Variants in ANP32A observed in about 807,000 individuals in gnomAD.
The protein encoded by ANP32A is acidic nuclear phosphoprotein 32 family member A, also known as acidic leucine-rich nuclear phosphoprotein 32 family member A.
Under a neutral mutation model 33.9 loss-of-function variants are expected in ANP32A, and 1 was observed. The ratio of observed to expected loss-of-function variants is 0.03; its 90% CI spans 0.01 to 0.14. The LOEUF is 0.14. ANP32A is among the 10% of genes least tolerant of loss of function. ANP32A has a pLI of 1.00. For synonymous variants in ANP32A, 115 were observed against 120.5 expected, an observed-to-expected ratio of 0.95 and a Z score of 0.30; for missense variants, 155 against 306.0, an observed-to-expected ratio of 0.51 and a Z score of 3.68.
chr15:68,814,278 G>T (rs1359442321), intron 1 of ANP32A, among the ~76,000 whole-genome samples: 2 of 152,026 alleles, frequency 1.3e-5, no homozygotes. Flanking sequence ...TGAAGAAGGG[G>T]GCCAGGCACG....
At chr15:68,814,422 A>T (rs1465210080) in intron 1 of ANP32A, among the ~76,000 whole-genome samples, 3 of 151,964 alleles carry the variant, frequency 2.0e-5, no homozygotes, top group South Asian at 2.1e-4. Context: ...AATAAATAAA[A>T]AAGGAAACAA....
At chr15:68,786,161 T>C (rs1236910534) in intron 3 of ANP32A, among the ~76,000 whole-genome samples, 5 of 151,412 alleles carry the variant, frequency 3.3e-5, no homozygotes, top group Non-Finnish European at 5.9e-5. Flanking sequence ...CAACCTCCCC[T>C]ATAAACCCAG....
Position 68,820,868 on chromosome 15 carries a change from C to G in ANP32A, c.-117G>C, listed in dbSNP as rs755899763. On this transcript the variant is annotated 5_prime_UTR_variant, in exon 1 of 7. Coordinates refer to ENST00000465139, the MANE Select transcript of ANP32A (RefSeq NM_006305.4). ...GGCTCAACCAGCTCCGCTCGGTTCT[C>G]GAGCCCCCAGCACCCGCGGCGCACA... 215 of 1,270,974 alleles carry G rather than the reference C, an allele frequency of 1.7e-4. No individual in the cohort carries two copies. The highest frequency in any genetic ancestry group is 3.3e-4 in the South Asian group (27 of 80,724). The allele number at this position is 1,270,974 out of a possible 1,614,324, so 78.7% of individuals were successfully genotyped here.
chr15:68,811,402 G>A (rs923550862), intron 1 of ANP32A, among the ~76,000 whole-genome samples: 1 of 152,184 alleles, frequency 6.6e-6, no homozygotes, highest in Admixed American at 6.5e-5. Flanking sequence ...GACAAGACAA[G>A]AAGACCACTG....
intron 1 of ANP32A, among the ~76,000 whole-genome samples, chr15:68,798,513 A>G (rs1894091006): frequency 6.6e-6 from 1 of 152,182 alleles, no homozygotes; most frequent in Non-Finnish European, 1.5e-5. Context: ...CAATTGATGA[A>G]GCTGGGTGGA....
chr15:68,820,297 C>G, intron 1 of ANP32A, among the ~76,000 whole-genome samples: 1 of 152,138 alleles, frequency 6.6e-6, no homozygotes, highest in East Asian at 1.9e-4. Flanking sequence ...CAGGAGGCAG[C>G]CCCTCTCCTC....
intron 1 of ANP32A, among the ~76,000 whole-genome samples, chr15:68,804,906 AAT>A (rs1894194727): frequency 6.6e-6 from 1 of 152,274 alleles, no homozygotes; most frequent in African/African-American, 2.4e-5. Context: ...CAGGCTAATT[AAT>A]AAAGTCTTAC....
chr15:68,799,663 G>A (rs1043276850), intron 1 of ANP32A, among the ~76,000 whole-genome samples: 5 of 152,314 alleles, frequency 3.3e-5, no homozygotes, highest in Middle Eastern at 3.4e-3. Context: ...ATAGGAACAC[G>A]TGGGATGGAC....
At position 68,805,538 on chromosome 15, in the gene ANP32A, G is replaced by C. The variant is rs138157047; in HGVS notation, c.54+15160C>G. Among the ~76,000 whole-genome samples, 381 of 152,344 alleles carry C rather than the reference G, an allele frequency of 2.5e-3. 5 individuals are homozygous for C. Among genetic ancestry groups the C allele is most frequent in the African/African-American group, 8.8e-3 (368 of 41,582 alleles). On this transcript the variant is annotated intron_variant, in intron 1 of 6. Transcript: ENST00000465139. ...AGGCAGAGGGCTGGAGCCCAAGGCT[G>C]GTGTGAGCAGAGCAGTGGCCGGCTA... is the stretch of plus-strand genomic sequence containing the variant.
rs1893858239 is a variant in ANP32A at position 68,780,843 on chromosome 15, C to A, written c.625-370G>T. ...TGAGGAGAACAAGTTCCCGAGCAGACTCCCTGACGTGCAAAGTAGGCCATC... is the reference window on the plus strand; with the variant it reads ...TGAGGAGAACAAGTTCCCGAGCAGAATCCCTGACGTGCAAAGTAGGCCATC... On this transcript the variant is annotated intron_variant, in intron 5 of 6. Transcript: ENST00000465139. This position sits in a 1 kb window ranked among gnomAD's most constrained non-coding sequence, Gnocchi z 4.3. 1 of 180,090 alleles carries A rather than the reference C, an allele frequency of 5.6e-6. No homozygotes were observed. Among genetic ancestry groups the A allele is most frequent in the African/African-American group, 2.4e-5 (1 of 42,208 alleles). 11.2% of individuals were successfully genotyped at this position (180,090 alleles called of 1,614,324 possible). A position where few individuals can be genotyped will look rare whatever the true frequency, so the allele number is the denominator to read the frequency against.
chr15:68,809,229 T>TAGC (rs1894280901), intron 1 of ANP32A, among the ~76,000 whole-genome samples: 1 of 152,100 alleles, frequency 6.6e-6, no homozygotes, highest in African/African-American at 2.4e-5. Context: ...GCAAGCTAGC[T>TAGC]TATTGTATTA....
At chr15:68,787,725 T>TGCCCC in intron 2 of ANP32A, 45 bp downstream of exon 2, 7 of 1,597,656 alleles carry the variant, frequency 4.4e-6, no homozygotes, top group South Asian at 1.1e-5. Context: ...CCCTTCCCAC[T>TGCCCC]CCCCACCCCC....
At chr15:68,792,221 G>A (rs996013051) in intron 1 of ANP32A, 1 of 151,994 alleles carries the variant, frequency 6.6e-6, no homozygotes, top group African/African-American at 2.4e-5. Flanking sequence ...TTGTACTTTT[G>A]TAGACTTTTT....
chr15:68,819,174 C>T (rs190479227), intron 1 of ANP32A, among the ~76,000 whole-genome samples: 5 of 152,326 alleles, frequency 3.3e-5, no homozygotes, highest in Admixed American at 2.6e-4. Context: ...CAGGCCAGCG[C>T]ACGGTGCTGC....
At chr15:68,798,893 C>T (rs1391013283) in intron 1 of ANP32A, among the ~76,000 whole-genome samples, 1 of 152,316 alleles carries the variant, frequency 6.6e-6, no homozygotes, top group East Asian at 1.9e-4. Context: ...AACGCCGCCT[C>T]GGCACTGAAG....
At chr15:68,818,932 T>A (rs1894431068) in intron 1 of ANP32A, among the ~76,000 whole-genome samples, 1 of 149,164 alleles carries the variant, frequency 6.7e-6, no homozygotes, top group African/African-American at 2.5e-5. Context: ...GCGCGGAAAC[T>A]CCGGCCTCCA....
chr15:68,807,331 T>C (rs2140371079), intron 1 of ANP32A, among the ~76,000 whole-genome samples: 1 of 146,498 alleles, frequency 6.8e-6, no homozygotes, highest in South Asian at 2.2e-4. Flanking sequence ...ATGGGAAAGG[T>C]GAGCCAGCGC....
chr15:68,819,810 A>T (rs1179880479), intron 1 of ANP32A, among the ~76,000 whole-genome samples: 1 of 152,106 alleles, frequency 6.6e-6, no homozygotes, highest in African/African-American at 2.4e-5. Flanking sequence ...AGACGCGGGG[A>T]TTATCTGTGC....
At chr15:68,800,347 G>A (rs563130245) in intron 1 of ANP32A, among the ~76,000 whole-genome samples, 1 of 152,126 alleles carries the variant, frequency 6.6e-6, no homozygotes, top group Non-Finnish European at 1.5e-5. Context: ...AAAACTAGGT[G>A]CCTGTCTCAC....
Sources: gnomAD v4.1 joint callset for allele counts (sites outside exome capture counted in the v4.1 genomes callset) on GRCh38, gnomAD v4.1.1 for gene constraint, Gnocchi (gnomAD v3.1) non-coding constraint, MANE v1.5 for transcripts, NCBI Gene and HGNC (gene_info 2026-07-23, HGNC 2026-07-21) for gene names.